The following ADARB2 variants were observed in gnomAD, a reference collection of about 807,000 sequenced individuals.
ADARB2 encodes adenosine deaminase RNA specific B2 (inactive), also known as inactive double-stranded RNA-specific editase B2.
ADARB2 carries 25 observed loss-of-function variants against 62.2 expected under a neutral mutation model. The observed-to-expected ratio is 0.40, with a 90% confidence interval of 0.29 to 0.56. ADARB2 has a LOEUF of 0.56. ADARB2 is among the 20% of genes least tolerant of loss of function. The pLI is 0.43. For synonymous variants in ADARB2, 572 were observed against 500.8 expected (o/e 1.14, Z -1.90); for missense variants, 1,071 against 1,077.4 (o/e 0.99, Z 0.08).
At chr10:1,469,233 C>A (rs894558068) in intron 1 of ADARB2, among the ~76,000 whole-genome samples, 1 of 152,226 alleles carries the variant, frequency 6.6e-6, no homozygotes, top group East Asian at 1.9e-4. Flanking sequence ...CTCCCCAGTG[C>A]CCCCTGCAAA....
chr10:1,513,486 G>A (rs915806751), intron 1 of ADARB2, among the ~76,000 whole-genome samples: 1 of 152,190 alleles, frequency 6.6e-6, no homozygotes, highest in African/African-American at 2.4e-5. Flanking sequence ...TCTTGCCTGT[G>A]TGGAGTTCAT....
At position 1,398,681 on chromosome 10, in the gene ADARB2, G is replaced by A. The variant is rs1042410612; in HGVS notation, c.101-19521C>T. 2.6e-5 allele frequency among the ~76,000 whole-genome samples: 4 copies of A among 152,178 alleles called. No individual in the cohort carries two copies. The highest frequency in any genetic ancestry group is 1.3e-4 in the Admixed American group (2 of 15,286). Reference sequence around the variant, plus strand: ...TGATCAATATAAATAAAGTTTTAACGGTGGAATTTCAGGTATCAGCATAGA... The same window carrying A: ...TGATCAATATAAATAAAGTTTTAACAGTGGAATTTCAGGTATCAGCATAGA... On this transcript the variant is annotated intron_variant, in intron 1 of 9. Coordinates refer to ENST00000381312, the MANE Select transcript of ADARB2 (RefSeq NM_018702.4). This position sits in a 1 kb window ranked among gnomAD's most constrained non-coding sequence, Gnocchi z 4.1.
chr10:1,427,811 A>G (rs1832904315), intron 1 of ADARB2, among the ~76,000 whole-genome samples: 1 of 152,220 alleles, frequency 6.6e-6, no homozygotes, highest in African/African-American at 2.4e-5. Context: ...ATAGCTCCAC[A>G]CTGGAATTAG....
chr10:1,726,906 G>A (rs544544432), intron 1 of ADARB2, among the ~76,000 whole-genome samples: 4 of 152,094 alleles, frequency 2.6e-5, no homozygotes, highest in Non-Finnish European at 5.9e-5. Context: ...CAGCGAGGGC[G>A]CCCATCTTCA....
chr10:1,635,165 C>T (rs887013539), intron 1 of ADARB2, among the ~76,000 whole-genome samples: 1 of 152,186 alleles, frequency 6.6e-6, no homozygotes, highest in South Asian at 2.1e-4. Flanking sequence ...AAAATATCAA[C>T]CATGGGTGCC....
chr10:1,724,190 C>T (rs1194422392), intron 1 of ADARB2, among the ~76,000 whole-genome samples: 1 of 152,204 alleles, frequency 6.6e-6, no homozygotes, highest in African/African-American at 2.4e-5. Flanking sequence ...AGATTAAAAG[C>T]ACATGCATGT....
At chr10:1,611,766 G>C (rs771593863) in intron 1 of ADARB2, among the ~76,000 whole-genome samples, 1 of 152,170 alleles carries the variant, frequency 6.6e-6, no homozygotes, top group Non-Finnish European at 1.5e-5. Context: ...TTGATATATC[G>C]TCCCAGCGAT....
intron 3 of ADARB2, among the ~76,000 whole-genome samples, chr10:1,283,921 A>G (rs1393198412): frequency 3.3e-5 from 5 of 152,246 alleles, no homozygotes; most frequent in African/African-American, 4.8e-5. Flanking sequence ...AGTAGAAGCC[A>G]TAGCCTGAAG....
intron 1 of ADARB2, among the ~76,000 whole-genome samples, chr10:1,591,499 C>A (rs1833253190): frequency 2.0e-5 from 3 of 152,150 alleles, no homozygotes; most frequent in African/African-American, 7.2e-5. Flanking sequence ...CATGGGAGCC[C>A]CTGAGTTCAT....
chr10:1,188,616 CT>C (rs11389648), intron 8 of ADARB2, among the ~76,000 whole-genome samples: 1 of 142,374 alleles, frequency 7.0e-6, no homozygotes, highest in Non-Finnish European at 1.5e-5. Flanking sequence ...ACCTTCTTGT[CT>C]TTTTTTTTTT....
intron 1 of ADARB2, among the ~76,000 whole-genome samples, chr10:1,657,969 CTCTCTATCTCAGT>C (rs1834193246): frequency 4.6e-5 from 4 of 87,062 alleles, no homozygotes; most frequent in Admixed American, 1.3e-4. Context: ...GCCTCAGTCT[CTCTCTATCTCAGT>C]CTCTCTCTCT....
At chr10:1,487,734 A>G (rs1344873915) in intron 1 of ADARB2, among the ~76,000 whole-genome samples, 1 of 152,218 alleles carries the variant, frequency 6.6e-6, no homozygotes, top group African/African-American at 2.4e-5. Flanking sequence ...TTGTTTTGCA[A>G]TTTATGTTTT....
At chr10:1,629,520 G>C (rs1251839377) in intron 1 of ADARB2, among the ~76,000 whole-genome samples, 6 of 128,818 alleles carry the variant, frequency 4.7e-5, no homozygotes, top group Non-Finnish European at 8.1e-5. Context: ...ACACCACCCA[G>C]TGCCCAAGTC....
chr10:1,322,353 C>T (rs1247837475), intron 3 of ADARB2, among the ~76,000 whole-genome samples: 1 of 152,206 alleles, frequency 6.6e-6, no homozygotes, highest in Non-Finnish European at 1.5e-5. Context: ...AATTCAAATG[C>T]TGCTCTGACC....
chr10:1,234,714 T>G (rs1011230314), intron 5 of ADARB2, among the ~76,000 whole-genome samples: 38 of 147,522 alleles, frequency 2.6e-4, no homozygotes, highest in Non-Finnish European at 1.3e-4. Flanking sequence ...AGTGCTGGGA[T>G]TACAGGTGCG....
intron 1 of ADARB2, among the ~76,000 whole-genome samples, chr10:1,458,574 C>A (rs61834365): frequency 0.13 from 19,143 of 152,200 alleles, 1,449 homozygotes; most frequent in African/African-American, 0.21. Flanking sequence ...GCCCCGCAGA[C>A]CCCTTCTTCC....
intron 4 of ADARB2, among the ~76,000 whole-genome samples, chr10:1,242,767 A>G (rs1306811249): frequency 7.2e-6 from 1 of 138,636 alleles, no homozygotes; most frequent in Non-Finnish European, 1.6e-5. Context: ...ACCCTAACAC[A>G]GAAACACAGG....
intron 1 of ADARB2, among the ~76,000 whole-genome samples, chr10:1,415,287 G>T (rs192082261): frequency 1.3e-5 from 2 of 151,402 alleles, no homozygotes; most frequent in African/African-American, 4.9e-5. Flanking sequence ...GGCTGGGTGG[G>T]TATATGACGA....
At position 1,653,594 on chromosome 10, in the gene ADARB2, C is replaced by G. The variant is rs1834141033; in HGVS notation, c.100+83457G>C. ...CACGCCTCATGTGCCTGCAGAGCCACAGTCTCCACCCAACGCCTTCTGTGC... is the reference window on the plus strand; with the variant it reads ...CACGCCTCATGTGCCTGCAGAGCCAGAGTCTCCACCCAACGCCTTCTGTGC... On this transcript the variant is annotated intron_variant, in intron 1 of 9. Coordinates refer to ENST00000381312, the MANE Select transcript of ADARB2 (RefSeq NM_018702.4). 2.0e-5 allele frequency among the ~76,000 whole-genome samples: 3 copies of G among 150,866 alleles called. 1 individual carries two copies. The highest frequency in any genetic ancestry group is 7.4e-5 in the African/African-American group (3 of 40,440).
Sources: allele counts gnomAD v4.1 joint callset (sites outside exome capture counted in the v4.1 genomes callset), GRCh38; gene constraint gnomAD v4.1.1; non-coding constraint Gnocchi (gnomAD v3.1); transcripts MANE v1.5; gene names NCBI Gene and HGNC (gene_info 2026-07-23, HGNC 2026-07-21).